ENTPD5: variants seen among roughly 807,000 people sequenced by gnomAD.
ENTPD5 encodes the protein nucleoside diphosphate phosphatase ENTPD5.
In ENTPD5, 49 loss-of-function variants were observed where a neutral mutation model predicts 60.2. The ratio of observed to expected loss-of-function variants is 0.81; its 90% CI spans 0.65 to 1.03. The LOEUF (loss-of-function observed/expected upper bound fraction) is 1.03, where lower values mean the gene tolerates loss of function less well. ENTPD5 is among the 50% of genes least tolerant of loss of function. The pLI, the probability that ENTPD5 is intolerant of heterozygous loss-of-function variation, is 0.00. For missense variants in ENTPD5, 480 were observed against 507.6 expected, an observed-to-expected ratio of 0.95 and a Z score of 0.52; for synonymous variants, 187 against 185.4, an observed-to-expected ratio of 1.01 and a Z score of -0.07.
chr14:73,997,619 A>C (rs140668293), intron 3 of ENTPD5, among the ~76,000 whole-genome samples: 2 of 152,326 alleles, frequency 1.3e-5, no homozygotes, highest in African/African-American at 4.8e-5. Context: ...AAGTAAGCCA[A>C]GCCAAGCAAA....
At chr14:73,977,487 A>C (rs2057494591) in intron 6 of ENTPD5, 113 bp from the exon 7 acceptor site, 2 of 784,892 alleles carry the variant, frequency 2.5e-6, no homozygotes, top group Non-Finnish European at 3.9e-6. Flanking sequence ...TTCCTAGATA[A>C]AATTTTGGCA....
intron 3 of ENTPD5, among the ~76,000 whole-genome samples, chr14:73,988,953 A>G (rs1200619840): frequency 3.3e-5 from 5 of 152,036 alleles, no homozygotes; most frequent in Non-Finnish European, 5.9e-5. Flanking sequence ...CCTCCTGAGT[A>G]GCTGGGATTA....
chr14:73,976,217 T>C (rs2057438523), intron 9 of ENTPD5, 107 bp downstream of exon 9: 1 of 983,374 alleles, frequency 1.0e-6, no homozygotes, highest in Non-Finnish European at 1.6e-6. Flanking sequence ...GACTTGACTC[T>C]GCCTAAGCGT....
chr14:73,972,929 C>A lies in ENTPD5; in HGVS notation c.982G>T (p.Ala328Ser). ...GCTCGGTCATAATAGTAAGAGAAAGCATAGAAGGAACCTCTCTGGACCTCC... is the reference window on the plus strand; with the variant it reads ...GCTCGGTCATAATAGTAAGAGAAAGAATAGAAGGAACCTCTCTGGACCTCC... Reference protein sequence around the residue: ...PEEVQRGSFYAFSYYYDRAVD... With the variant: ...PEEVQRGSFYSFSYYYDRAVD... The change falls in exon 13 of 16, where the codon GCT becomes TCT. Residue 328 changes from alanine to serine, a missense_variant. Physicochemically the swap from Ala to Ser is moderately conservative, Grantham distance 99. Coordinates refer to ENST00000334696, the MANE Select transcript of ENTPD5 (RefSeq NM_001249.5). 2 of 1,614,222 alleles carry A rather than the reference C, an allele frequency of 1.2e-6. No homozygotes were observed. The highest frequency in any genetic ancestry group is 1.7e-6 in the Non-Finnish European group (2 of 1,180,032).
At chr14:73,956,028 A>G (rs2056413889), downstream of ENTPD5, 1 of 1,558,894 alleles carries the variant, frequency 6.4e-7, no homozygotes, top group African/African-American at 1.3e-5. Context: ...GTCCACCATA[A>G]AGAAATCCTC....
At chr14:73,972,036 A>G (rs2057249703) in intron 13 of ENTPD5, 128 bp from the exon 14 acceptor site, 1 of 684,964 alleles carries the variant, frequency 1.5e-6, no homozygotes, top group Non-Finnish European at 2.6e-6. Context: ...CTTATTTACA[A>G]TCTATTCCAT....
At chr14:74,005,536 G>A (rs1342254540) in intron 3 of ENTPD5, among the ~76,000 whole-genome samples, 6 of 152,132 alleles carry the variant, frequency 3.9e-5, no homozygotes, top group East Asian at 3.9e-4. Flanking sequence ...GGCCAGGTGC[G>A]GTGGCTCACG....
chr14:73,989,386 AC>A (rs1176917982), intron 3 of ENTPD5, among the ~76,000 whole-genome samples: 1 of 147,106 alleles, frequency 6.8e-6, no homozygotes, highest in Non-Finnish European at 1.5e-5. Context: ...ACATGGTGAA[AC>A]CCTGTATCTA....
Position 73,996,056 on chromosome 14 carries a change from A to C in ENTPD5, c.-70-7884T>G, listed in dbSNP as rs147190309. Reference sequence around the variant, plus strand: ...GGCTTCCCTTCTTCCATGTCCCCGGAAGCCTGAGAGACCACAATCCCAGAG... The same window carrying C: ...GGCTTCCCTTCTTCCATGTCCCCGGCAGCCTGAGAGACCACAATCCCAGAG... On this transcript the variant is annotated intron_variant, in intron 3 of 15. Transcript: ENST00000334696. 1.9e-3 allele frequency: 1,467 copies of C among 763,440 alleles called. 28 individuals are homozygous for C. In the African/African-American group the frequency reaches 0.026, roughly 14 times the overall value. The allele number at this position is 763,440 out of a possible 1,614,324, so 47.3% of individuals were successfully genotyped here.
intron 15 of ENTPD5, among the ~76,000 whole-genome samples, chr14:73,969,715 T>TAATAATA (rs1555360492): frequency 6.7e-6 from 1 of 148,822 alleles, no homozygotes; most frequent in Non-Finnish European, 1.5e-5. Context: ...AAAAAAATAA[T>TAATAATA]AATAAATAAA....
At chr14:73,956,581 T>C (rs145251746), downstream of ENTPD5, 1,976 of 152,640 alleles carry the variant, frequency 0.013, 21 homozygotes, top group South Asian at 0.03. Flanking sequence ...TATCTCATTG[T>C]AGTAGTGGTT....
At chr14:74,008,647 G>A (rs893088546) in intron 3 of ENTPD5, among the ~76,000 whole-genome samples, 2 of 151,686 alleles carry the variant, frequency 1.3e-5, no homozygotes, top group African/African-American at 2.4e-5. Context: ...CACCCGCCTC[G>A]GCCTCCCAAA....
chr14:73,989,454 T>G (rs1258846993), intron 3 of ENTPD5, among the ~76,000 whole-genome samples: 1 of 148,742 alleles, frequency 6.7e-6, no homozygotes, highest in East Asian at 2.0e-4. Context: ...TCCCAGTACT[T>G]TGGGAGGCCG....
chr14:73,977,573 C>T (rs1192649697), intron 6 of ENTPD5, among the ~76,000 whole-genome samples, 199 bp from the exon 7 acceptor site: 3 of 152,098 alleles, frequency 2.0e-5, no homozygotes, highest in Non-Finnish European at 1.5e-5. Flanking sequence ...AAAACACAAA[C>T]ACAGAGATTC....
chr14:73,966,835 C>T lies in ENTPD5; in HGVS notation c.*93G>A. 1.1e-6 allele frequency: 1 copy of T among 935,210 alleles called. No homozygotes were observed. The highest frequency in any genetic ancestry group is 1.7e-6 in the Non-Finnish European group (1 of 583,494). 57.9% of individuals were successfully genotyped at this position (935,210 alleles called of 1,614,324 possible). On this transcript the variant is annotated 3_prime_UTR_variant, in exon 16 of 16. Coordinates refer to ENST00000334696, the MANE Select transcript of ENTPD5 (RefSeq NM_001249.5). ...AAACCTAAATCTCTAGGCTCAAGTC[C>T]AGGATGTCCCCAGACTAGTTCAGAA...
chr14:73,964,659 AC>A lies in ENTPD5; in HGVS notation c.*2268del, dbSNP rs2056900699. ...AAACTGCTGGTTTCTACTGAAGGAA[AC>A]ATGGATGACATTTAGTGTTCTGTGA... On this transcript the variant is annotated 3_prime_UTR_variant, in exon 16 of 16. Transcript: ENST00000334696. 1 of 152,234 alleles carries A rather than the reference AC, an allele frequency of 6.6e-6. No homozygotes were observed. Among genetic ancestry groups the A allele is most frequent in the South Asian group, 2.1e-4 (1 of 4,834 alleles). 9.4% of individuals were successfully genotyped at this position (152,234 alleles called of 1,614,324 possible). A position where few individuals can be genotyped will look rare whatever the true frequency, so the allele number is the denominator to read the frequency against.
At chr14:74,003,444 A>T (rs2058570668) in intron 3 of ENTPD5, 1 of 1,370,690 alleles carries the variant, frequency 7.3e-7, no homozygotes, top group Admixed American at 2.0e-5. Flanking sequence ...GAAGCACAAA[A>T]GAAGAAAGAT....
At chr14:73,969,938 G>A in intron 15 of ENTPD5, 72 bp downstream of exon 15, 1 of 1,075,314 alleles carries the variant, frequency 9.3e-7, no homozygotes, top group Non-Finnish European at 1.4e-6. Flanking sequence ...TCTGATTACT[G>A]AACAAGCTCT....
intron 3 of ENTPD5, among the ~76,000 whole-genome samples, chr14:74,004,319 C>G (rs2058604207): frequency 6.6e-6 from 1 of 152,030 alleles, no homozygotes; most frequent in Non-Finnish European, 1.5e-5. Context: ...AGGCACCCCC[C>G]ACCACACCCG....
Sources: allele counts gnomAD v4.1 joint callset (sites outside exome capture counted in the v4.1 genomes callset), GRCh38; gene constraint gnomAD v4.1.1; transcripts MANE v1.5; gene names NCBI Gene and HGNC (gene_info 2026-07-23, HGNC 2026-07-21).